The following TNFSF4 variants were observed in gnomAD, a reference collection of about 807,000 sequenced individuals.
The protein encoded by TNFSF4 is tumor necrosis factor ligand superfamily member 4.
TNFSF4 carries 4 observed loss-of-function variants against 7.3 expected under a neutral mutation model. That is an observed-to-expected ratio of 0.55 (90% CI 0.27 to 1.25). TNFSF4 has a LOEUF of 1.25. TNFSF4 is among the 50% of genes most tolerant of loss of function. TNFSF4 has a pLI of 0.12. For synonymous variants in TNFSF4, 76 were observed against 83.7 expected, an observed-to-expected ratio of 0.91 and a Z score of 0.50; for missense variants, 181 against 208.8, an observed-to-expected ratio of 0.87 and a Z score of 0.82.
the TNFSF4 span, among the ~76,000 whole-genome samples, chr1:173,407,486 G>C: frequency 6.8e-6 from 1 of 146,464 alleles, no homozygotes. Flanking sequence ...CTTGAGCCCA[G>C]GAAGTGGAGG....
the TNFSF4 span, among the ~76,000 whole-genome samples, chr1:173,266,061 C>T: frequency 2.0e-5 from 3 of 152,100 alleles, no homozygotes; most frequent in South Asian, 2.1e-4. Context: ...AAAACTATCC[C>T]GGATCACATG....
At chr1:173,198,281 A>G (rs879787438) in intron 1 of TNFSF4, among the ~76,000 whole-genome samples, 30 of 152,254 alleles carry the variant, frequency 2.0e-4, no homozygotes, top group Non-Finnish European at 2.1e-4. Flanking sequence ...TCTCATTTCA[A>G]TGTCTAAACT....
chr1:173,335,195 G>A, the TNFSF4 span, among the ~76,000 whole-genome samples: 632 of 152,214 alleles, frequency 4.2e-3, 4 homozygotes, highest in South Asian at 0.015. Flanking sequence ...GAGCAAGTTG[G>A]AAATGCCAAA....
chr1:173,362,487 C>T, the TNFSF4 span: 1 of 539,384 alleles, frequency 1.9e-6, no homozygotes, highest in Non-Finnish European at 3.7e-6. Context: ...GTTTCTCCAG[C>T]TGGGCTTGGT....
At chr1:173,360,755 AG>A in the TNFSF4 span, among the ~76,000 whole-genome samples, 9 of 152,238 alleles carry the variant, frequency 5.9e-5, no homozygotes, top group African/African-American at 2.2e-4. Flanking sequence ...TGTGCGGGCA[AG>A]GAACCCATTT....
chr1:173,373,189 A>G, the TNFSF4 span, among the ~76,000 whole-genome samples: 1 of 152,254 alleles, frequency 6.6e-6, no homozygotes. Flanking sequence ...TACCACAAGA[A>G]AATCATGAAG....
At chr1:173,379,275 T>G in the TNFSF4 span, among the ~76,000 whole-genome samples, 2 of 151,992 alleles carry the variant, frequency 1.3e-5, no homozygotes, top group Non-Finnish European at 2.9e-5. Flanking sequence ...ACTCAAATCA[T>G]GGGGACTGGA....
the TNFSF4 span, among the ~76,000 whole-genome samples, chr1:173,306,945 C>T: frequency 6.6e-6 from 1 of 151,836 alleles, no homozygotes; most frequent in African/African-American, 2.4e-5. Context: ...TGCACCCCTC[C>T]AACTCCAGGG....
At chr1:173,392,866 A>C in the TNFSF4 span, among the ~76,000 whole-genome samples, 1 of 152,202 alleles carries the variant, frequency 6.6e-6, no homozygotes, top group East Asian at 1.9e-4. Flanking sequence ...ATGAATTGCC[A>C]TTACAACTCC....
At chr1:173,346,273 T>G in the TNFSF4 span, among the ~76,000 whole-genome samples, 1 of 152,120 alleles carries the variant, frequency 6.6e-6, no homozygotes, top group Non-Finnish European at 1.5e-5. Context: ...ACACAAGTCT[T>G]CAGATCAGAG....
At chr1:173,369,208 A>G in the TNFSF4 span, among the ~76,000 whole-genome samples, 20 of 152,212 alleles carry the variant, frequency 1.3e-4, no homozygotes, top group Non-Finnish European at 2.9e-5. Flanking sequence ...TCCCTCCCTC[A>G]GGGTATGGCC....
the TNFSF4 span, among the ~76,000 whole-genome samples, chr1:173,291,897 C>T: frequency 0.025 from 3,769 of 151,812 alleles, 69 homozygotes; most frequent in Middle Eastern, 0.054. Context: ...CTAGACAACC[C>T]AGAAGAAATA....
the TNFSF4 span, among the ~76,000 whole-genome samples, chr1:173,247,120 C>T: frequency 6.6e-6 from 1 of 152,176 alleles, no homozygotes; most frequent in Non-Finnish European, 1.5e-5. Flanking sequence ...CAAAATGTGT[C>T]CTCCTACTCA....
At chr1:173,227,813 C>A in the TNFSF4 span, among the ~76,000 whole-genome samples, 1 of 152,210 alleles carries the variant, frequency 6.6e-6, no homozygotes, top group Admixed American at 6.5e-5. Flanking sequence ...TTGGAGGGTC[C>A]CACCCCCACA....
At chr1:173,272,185 T>C in the TNFSF4 span, among the ~76,000 whole-genome samples, 2 of 152,070 alleles carry the variant, frequency 1.3e-5, no homozygotes, top group East Asian at 3.9e-4. Context: ...CATCACACAC[T>C]GGGGCCTGTC....
At chr1:173,262,064 C>T in the TNFSF4 span, among the ~76,000 whole-genome samples, 6 of 152,118 alleles carry the variant, frequency 3.9e-5, no homozygotes, top group Non-Finnish European at 7.4e-5. Flanking sequence ...TGATGAACAT[C>T]GATGCAAAAA....
chr1:173,189,425 A>G (rs1023336191), intron 1 of TNFSF4, among the ~76,000 whole-genome samples: 7 of 152,172 alleles, frequency 4.6e-5, no homozygotes, highest in African/African-American at 1.2e-4. Flanking sequence ...AACTGTCCCA[A>G]TCCTACAGAG....
the TNFSF4 span, among the ~76,000 whole-genome samples, chr1:173,311,994 A>C: frequency 6.6e-6 from 1 of 152,124 alleles, no homozygotes; most frequent in Non-Finnish European, 1.5e-5. Context: ...TCTGGCATGG[A>C]GCAAGGACCT....
At chr1:173,421,668 G>A in the TNFSF4 span, among the ~76,000 whole-genome samples, 4 of 150,666 alleles carry the variant, frequency 2.7e-5, no homozygotes, top group Admixed American at 1.3e-4. Flanking sequence ...CCAATTTATC[G>A]TTTCTGGAAA....
Sources: allele counts gnomAD v4.1 joint callset (sites outside exome capture counted in the v4.1 genomes callset), GRCh38; gene constraint gnomAD v4.1.1; transcripts MANE v1.5; gene names NCBI Gene and HGNC (gene_info 2026-07-23, HGNC 2026-07-21).